NBAS: variants seen among roughly 807,000 people sequenced by gnomAD.
NBAS encodes NAG/BC035112 fusion.
Under a neutral mutation model 302.5 loss-of-function variants are expected in NBAS, and 219 were observed. That is an observed-to-expected ratio of 0.72 (90% CI 0.65 to 0.81). NBAS has a LOEUF of 0.81. Among genes scored for constraint, NBAS ranks in the 30% least tolerant of loss-of-function variants. The probability of loss-of-function intolerance (pLI) is 0.00; values close to 1 mark genes in which losing one functional copy is unlikely to be tolerated. For synonymous variants in NBAS, 1,118 were observed against 1,021.6 expected (o/e 1.09, Z -1.80); for missense variants, 2,932 against 2,841.6 (o/e 1.03, Z -0.72).
the NBAS span, among the ~76,000 whole-genome samples, chr2:15,150,091 T>C: frequency 2.0e-5 from 3 of 149,574 alleles, no homozygotes; most frequent in East Asian, 3.9e-4. Context: ...AAAAAAGACA[T>C]TAAACTAATT....
intron 40 of NBAS, among the ~76,000 whole-genome samples, chr2:15,303,824 T>C (rs200784807): frequency 1.3e-5 from 2 of 152,236 alleles, no homozygotes; most frequent in Admixed American, 1.3e-4. Flanking sequence ...AATGTGGCTG[T>C]GGAGCCAGCT....
intron 36 of NBAS, among the ~76,000 whole-genome samples, chr2:15,329,416 A>T (rs1399187279): frequency 2.0e-5 from 3 of 152,130 alleles, no homozygotes; most frequent in African/African-American, 7.2e-5. Context: ...CATCACTACC[A>T]TGGTTCAAAC....
At chr2:14,812,234 G>A in the NBAS span, among the ~76,000 whole-genome samples, 1 of 152,140 alleles carries the variant, frequency 6.6e-6, no homozygotes, top group African/African-American at 2.4e-5. Context: ...ACAAGAAGGG[G>A]CATCACAGGG....
intron 8 of NBAS, 79 bp from the exon 9 acceptor site, chr2:15,534,720 G>T: frequency 9.2e-7 from 1 of 1,081,732 alleles, no homozygotes; most frequent in Non-Finnish European, 1.4e-6. Context: ...AAAATGTTTA[G>T]AATTTAAAAG....
At chr2:15,444,582 A>T (rs1352579773) in intron 21 of NBAS, among the ~76,000 whole-genome samples, 2 of 152,178 alleles carry the variant, frequency 1.3e-5, no homozygotes, top group Non-Finnish European at 2.9e-5. Context: ...ACCATTCAGG[A>T]CATAGGCATG....
chr2:15,221,197 T>TA (rs1330740962), intron 47 of NBAS, among the ~76,000 whole-genome samples: 5 of 151,994 alleles, frequency 3.3e-5, no homozygotes, highest in Admixed American at 2.6e-4. Flanking sequence ...GGAAGACCGT[T>TA]AAAAAAAATC....
chr2:14,868,854 G>A, the NBAS span, among the ~76,000 whole-genome samples: 1 of 152,188 alleles, frequency 6.6e-6, no homozygotes, highest in African/African-American at 2.4e-5. Flanking sequence ...GCAGAGCATA[G>A]GGAATAGAAA....
the NBAS span, among the ~76,000 whole-genome samples, chr2:15,022,182 C>T: frequency 3.0e-4 from 45 of 152,238 alleles, no homozygotes; most frequent in African/African-American, 1.1e-3. Flanking sequence ...AGCCCAACGC[C>T]CACCTTAAGG....
chr2:15,049,103 G>C, the NBAS span, among the ~76,000 whole-genome samples: 1 of 147,100 alleles, frequency 6.8e-6, no homozygotes, highest in Non-Finnish European at 1.5e-5. Flanking sequence ...TGAACTGCTC[G>C]CTGCCGCTGA....
At chr2:15,354,771 T>C (rs1572707946) in intron 33 of NBAS, among the ~76,000 whole-genome samples, 1 of 152,314 alleles carries the variant, frequency 6.6e-6, no homozygotes, top group East Asian at 1.9e-4. Flanking sequence ...CCAGCCTTGC[T>C]AGGCTGCATA....
the NBAS span, among the ~76,000 whole-genome samples, chr2:15,048,981 G>T: frequency 6.6e-6 from 1 of 152,220 alleles, no homozygotes; most frequent in Non-Finnish European, 1.5e-5. Flanking sequence ...AGGCCAAAAA[G>T]CCATCTTAAA....
chr2:15,463,599 T>C (rs1679598483), intron 19 of NBAS, among the ~76,000 whole-genome samples: 1 of 152,078 alleles, frequency 6.6e-6, no homozygotes, highest in Non-Finnish European at 1.5e-5. Flanking sequence ...AAAGGGTTTC[T>C]TAATCCCTGC....
chr2:15,352,536 T>G (rs1320000089), intron 34 of NBAS, among the ~76,000 whole-genome samples: 1 of 152,176 alleles, frequency 6.6e-6, no homozygotes, highest in African/African-American at 2.4e-5. Flanking sequence ...TTTTGACCTT[T>G]GGCTTAGAGC....
rs368348718 is a variant in NBAS at position 15,308,280 on chromosome 2, T to C, written c.4733A>G (p.Tyr1578Cys). The C allele has an allele frequency of 6.0e-5, 97 of 1,614,052 alleles. No individual in the cohort carries two copies. The highest frequency in any genetic ancestry group is 7.5e-5 in the Non-Finnish European group (88 of 1,180,042). ...ALSLQLAAYY[Y>C]SLQIYARLAP... Reference sequence around the variant, plus strand: ...CAATCGGGCATAGATCTGGAGGCTATAGTAATACGCTGCCAGCTGGAGAGA... The same window carrying C: ...CAATCGGGCATAGATCTGGAGGCTACAGTAATACGCTGCCAGCTGGAGAGA... The change falls in exon 40 of 52, where the codon TAT becomes TGT. Residue 1578 changes from tyrosine to cysteine, a missense_variant. Transcript: ENST00000281513.
At chr2:15,263,453 G>A (rs1473369360) in intron 44 of NBAS, among the ~76,000 whole-genome samples, 1 of 150,000 alleles carries the variant, frequency 6.7e-6, no homozygotes, top group Non-Finnish European at 1.5e-5. Context: ...GACAACTTAC[G>A]TCTAACTGAT....
At chr2:15,090,238 T>A in the NBAS span, among the ~76,000 whole-genome samples, 1 of 152,202 alleles carries the variant, frequency 6.6e-6, no homozygotes, top group Non-Finnish European at 1.5e-5. Context: ...GAGTCACTCA[T>A]TTCAGCTCTC....
chr2:15,532,506 A>G (rs957915995), intron 9 of NBAS, among the ~76,000 whole-genome samples: 1 of 151,056 alleles, frequency 6.6e-6, no homozygotes, highest in African/African-American at 2.4e-5. Flanking sequence ...AAAAAAAAAA[A>G]AAAACTATAA....
chr2:15,524,561 A>T (rs1190881187), intron 9 of NBAS, among the ~76,000 whole-genome samples: 1 of 152,160 alleles, frequency 6.6e-6, no homozygotes, highest in Non-Finnish European at 1.5e-5. Flanking sequence ...CACCTATGTC[A>T]ACCATCAATC....
chr2:15,313,652 C>T (rs1486014497), intron 38 of NBAS, among the ~76,000 whole-genome samples: 2 of 152,210 alleles, frequency 1.3e-5, no homozygotes, highest in Admixed American at 6.5e-5. Context: ...ATTTTCATTG[C>T]TACTGCCATG....
Sources: gnomAD v4.1 joint callset for allele counts (sites outside exome capture counted in the v4.1 genomes callset) on GRCh38, gnomAD v4.1.1 for gene constraint, MANE v1.5 for transcripts, NCBI Gene and HGNC (gene_info 2026-07-23, HGNC 2026-07-21) for gene names.